The following DNAH8 variants were observed in gnomAD, a reference collection of about 807,000 sequenced individuals.
DNAH8 encodes axonemal beta dynein heavy chain 8.
In DNAH8, 382 loss-of-function variants were observed where a neutral mutation model predicts 562.1. The ratio of observed to expected loss-of-function variants is 0.68; its 90% CI spans 0.63 to 0.74. DNAH8 has a LOEUF of 0.74. Ranked by LOEUF, DNAH8 falls within the 30% of genes least tolerant of loss-of-function variation. The pLI is 0.00. For missense variants in DNAH8, 5,203 were observed against 5,620.4 expected (o/e 0.93, Z 2.37); for synonymous variants, 1,881 against 1,919.4 (o/e 0.98, Z 0.52).
Position 38,807,639 on chromosome 6 carries a change from T to C in DNAH8, c.3180T>C (p.Ser1060=). The C allele has an allele frequency of 6.4e-7, 1 of 1,559,360 alleles. No individual in the cohort carries two copies. Among genetic ancestry groups the C allele is most frequent in the Non-Finnish European group, 8.6e-7 (1 of 1,156,938 alleles). Residue 1060 remains serine, a synonymous_variant, in exon 24 of 93, where the codon TCT becomes TCC. Coordinates refer to ENST00000327475, the MANE Select transcript of DNAH8 (RefSeq NM_001206927.2). The stretch of plus-strand genomic sequence containing the variant: ...GTAAAGAGGTCTTTGCTTTTTTCTC[T>C]CATCAATTACTAGACAGTCTTCAAA... The part of the protein sequence containing the change: ...KECKEVFAFF[S]HQLLDSLQKA...
intron 21 of DNAH8, among the ~76,000 whole-genome samples, chr6:38,796,073 G>C (rs1286697567): frequency 6.6e-6 from 1 of 152,156 alleles, no homozygotes; most frequent in Non-Finnish European, 1.5e-5. Context: ...ATTTACCAAT[G>C]GGTGTGCTAG....
At chr6:38,973,872 A>G (rs886135037) in intron 84 of DNAH8, 59 bp downstream of exon 84, 11 of 1,423,414 alleles carry the variant, frequency 7.7e-6, no homozygotes, top group African/African-American at 1.4e-5. Flanking sequence ...CATCATTGAC[A>G]TTGTTGAAAG....
chr6:38,915,927 C>T (rs550297308), intron 68 of DNAH8, among the ~76,000 whole-genome samples: 27 of 151,998 alleles, frequency 1.8e-4, no homozygotes, highest in South Asian at 1.5e-3. Flanking sequence ...TATATACACA[C>T]GTGTATATAC....
intron 68 of DNAH8, among the ~76,000 whole-genome samples, 157 bp downstream of exon 68, chr6:38,915,534 GTTCTAATTTTTTTAAAGTCT>G (rs1241724108): frequency 6.6e-6 from 1 of 152,156 alleles, no homozygotes; most frequent in African/African-American, 2.4e-5. Context: ...AGTTTTCTAA[GTTCTAATTTTTTTAAAGTCT>G]TCCCCTCTTA....
At chr6:39,022,582 C>T (rs895701026) in intron 91 of DNAH8, among the ~76,000 whole-genome samples, 1 of 152,228 alleles carries the variant, frequency 6.6e-6, no homozygotes, top group East Asian at 1.9e-4. Flanking sequence ...CCTGCCCAGT[C>T]GAGCCATACC....
rs758150048 is a variant in DNAH8, at chr6:38,924,150, G to T, written c.10950G>T (p.Val3650=). The T allele has an allele frequency of 1.2e-6, 2 of 1,613,548 alleles. No homozygotes were observed. The highest frequency in any genetic ancestry group is 1.7e-5 in the Admixed American group (1 of 59,972). Residue 3650 remains valine (V), a synonymous_variant, in exon 73 of 93, where the codon GTG becomes GTT. Transcript: ENST00000327475. ...ACCTGAATCTTATTTCAATGTTGGTGGATCCTCCAACTGTAAGTTTTACTT... is the reference window on the plus strand; with the variant it reads ...ACCTGAATCTTATTTCAATGTTGGTTGATCCTCCAACTGTAAGTTTTACTT... ...TENLNLISML[V]DPPTIGEWGL...
intron 53 of DNAH8, among the ~76,000 whole-genome samples, chr6:38,878,565 A>T (rs761495482): frequency 6.6e-6 from 1 of 152,180 alleles, no homozygotes; most frequent in Non-Finnish European, 1.5e-5. Flanking sequence ...AAAAAGAATA[A>T]ATCTCTTATT....
chr6:38,859,219 A>T (rs1259636572), intron 42 of DNAH8, among the ~76,000 whole-genome samples: 1 of 152,186 alleles, frequency 6.6e-6, no homozygotes, highest in Non-Finnish European at 1.5e-5. Context: ...GATGGTTGAA[A>T]GTAGCTGGCT....
chr6:39,030,074 A>G, intron 92 of DNAH8, 31 bp from the exon 93 acceptor site: 1 of 1,568,616 alleles, frequency 6.4e-7, no homozygotes, highest in Non-Finnish European at 8.7e-7. Context: ...TTAAAAAATA[A>G]ATCCTATTAC....
At chr6:38,825,013 A>G (rs969476248) in intron 28 of DNAH8, among the ~76,000 whole-genome samples, 12 of 152,210 alleles carry the variant, frequency 7.9e-5, no homozygotes, top group African/African-American at 2.4e-5. Context: ...GGTTAGCACT[A>G]TGATCCACAA....
intron 58 of DNAH8, among the ~76,000 whole-genome samples, chr6:38,891,858 T>G (rs1417621055): frequency 6.6e-6 from 1 of 152,208 alleles, no homozygotes; most frequent in Non-Finnish European, 1.5e-5. Context: ...ATTTCCTCAG[T>G]GTCTTTTCTT....
chr6:38,803,172 T>G lies in DNAH8; in HGVS notation c.2902-7T>G. 2 of 1,570,836 alleles carry G rather than the reference T, an allele frequency of 1.3e-6. No homozygotes were observed. The highest frequency in any genetic ancestry group is 1.7e-6 in the Non-Finnish European group (2 of 1,160,288). On this transcript the variant is annotated splice_polypyrimidine_tract_variant and splice_region_variant and intron_variant, in intron 21 of 92. Transcript: ENST00000327475. ...TGGAAAATAATAGTCATTTCTTTAT[T>G]TAACAGACATACACAAAAGAATGGG...
intron 10 of DNAH8, among the ~76,000 whole-genome samples, chr6:38,758,338 T>C (rs1289257287): frequency 6.6e-6 from 1 of 151,858 alleles, no homozygotes; most frequent in Admixed American, 6.6e-5. Context: ...TTGTCTGTTA[T>C]TGGTGTATAA....
intron 82 of DNAH8, among the ~76,000 whole-genome samples, chr6:38,968,525 G>A (rs1194201749): frequency 6.6e-6 from 1 of 152,118 alleles, no homozygotes; most frequent in African/African-American, 2.4e-5. Context: ...ATAAACACAT[G>A]AAAAGATACT....
At chr6:38,999,305 T>G (rs376861090) in intron 88 of DNAH8, among the ~76,000 whole-genome samples, 14 of 152,190 alleles carry the variant, frequency 9.2e-5, no homozygotes, top group African/African-American at 3.4e-4. Context: ...TGGTGTGCAC[T>G]GTTGGGACCT....
intron 92 of DNAH8, among the ~76,000 whole-genome samples, chr6:39,029,027 A>T (rs1767492523): frequency 6.6e-6 from 1 of 152,008 alleles, no homozygotes; most frequent in Non-Finnish European, 1.5e-5. Context: ...ACATTTACCT[A>T]TTTGGTGAGC....
intron 89 of DNAH8, among the ~76,000 whole-genome samples, chr6:39,010,801 G>A (rs908199499): frequency 1.4e-4 from 20 of 141,926 alleles, no homozygotes; most frequent in African/African-American, 5.0e-4. Flanking sequence ...GCACGTGTAC[G>A]CACACACACA....
chr6:38,811,528 T>G (rs1188989094), intron 24 of DNAH8, among the ~76,000 whole-genome samples: 1 of 152,244 alleles, frequency 6.6e-6, no homozygotes, highest in African/African-American at 2.4e-5. Flanking sequence ...GAAAAAATAC[T>G]TTTTCCTTAT....
intron 49 of DNAH8, 112 bp from the exon 50 acceptor site, chr6:38,872,424 C>T (rs1236069764): frequency 8.6e-7 from 1 of 1,158,918 alleles, no homozygotes; most frequent in Non-Finnish European, 1.2e-6. Context: ...AAATAGTGAA[C>T]TAGTTACGTT....
Sources: gnomAD v4.1 joint callset for allele counts (sites outside exome capture counted in the v4.1 genomes callset) on GRCh38, gnomAD v4.1.1 for gene constraint, MANE v1.5 for transcripts, NCBI Gene and HGNC (gene_info 2026-07-23, HGNC 2026-07-21) for gene names.